The following RGS6 variants were observed in gnomAD, a reference collection of about 807,000 sequenced individuals.
RGS6 encodes the protein regulator of G protein signaling 6, also known as regulator of G-protein signaling 6.
In RGS6, 30 loss-of-function variants were observed where a neutral mutation model predicts 78.5. The observed-to-expected ratio is 0.38, with a 90% CI of 0.29 to 0.52. RGS6 has a LOEUF of 0.52. Among genes scored for constraint, RGS6 ranks in the 20% least tolerant of loss-of-function variants. The pLI is 0.85. For synonymous variants in RGS6, 206 were observed against 206.0 expected (o/e 1.00, Z 0.00); for missense variants, 495 against 609.7 (o/e 0.81, Z 1.98).
At chr14:72,409,098 G>T (rs2093186595) in intron 3 of RGS6, among the ~76,000 whole-genome samples, 1 of 152,244 alleles carries the variant, frequency 6.6e-6, no homozygotes, top group African/African-American at 2.4e-5. Context: ...AGAGATTCCA[G>T]TGAGGGGTCC....
At chr14:72,356,376 A>G (rs975611569) in intron 3 of RGS6, among the ~76,000 whole-genome samples, 1 of 151,978 alleles carries the variant, frequency 6.6e-6, no homozygotes, top group African/African-American at 2.4e-5. Context: ...TTCTGCCAGG[A>G]TTGTAAGTTT....
At chr14:72,116,436 A>C (rs994739279) in intron 2 of RGS6, among the ~76,000 whole-genome samples, 1 of 151,902 alleles carries the variant, frequency 6.6e-6, no homozygotes, top group Non-Finnish European at 1.5e-5. Context: ...TGTTGTATGC[A>C]TCTGTCCTGG....
At chr14:72,013,176 C>T (rs1403094107) in intron 2 of RGS6, among the ~76,000 whole-genome samples, 1 of 144,628 alleles carries the variant, frequency 6.9e-6, no homozygotes, top group East Asian at 2.2e-4. Context: ...GAGGTTGAGG[C>T]AGGAGAATCT....
upstream of RGS6, among the ~76,000 whole-genome samples, chr14:71,929,391 T>A (rs1332119847): frequency 6.6e-6 from 1 of 152,206 alleles, no homozygotes; most frequent in Non-Finnish European, 1.5e-5. Context: ...TTGTCTGATG[T>A]TTTATCCTAA....
chr14:71,983,070 C>T lies in RGS6; in HGVS notation c.84+18195C>T, dbSNP rs548478080. Among the ~76,000 whole-genome samples, 18 of 152,176 alleles carry T rather than the reference C, an allele frequency of 1.2e-4. No homozygotes were observed. The East Asian group carries it at 1.5e-3, about 13-fold the overall frequency. ...GTATATTTAAAAAGTGGAATTAACC[C>T]GTTATTAGTTTTAGATGGAGATGAG... On this transcript the variant is annotated intron_variant, in intron 2 of 17. Transcript: ENST00000553525.
At chr14:72,442,761 G>C (rs2095251031) in intron 3 of RGS6, among the ~76,000 whole-genome samples, 2 of 152,164 alleles carry the variant, frequency 1.3e-5, no homozygotes, top group Admixed American at 1.3e-4. Context: ...CTGGTGGGAG[G>C]GGAGCCTGGA....
At chr14:72,402,789 G>GGTTTTTTTTTTTTTTTTTTTTTTTTT (rs2092562697) in intron 3 of RGS6, among the ~76,000 whole-genome samples, 1 of 125,780 alleles carries the variant, frequency 8.0e-6, no homozygotes, top group Non-Finnish European at 1.7e-5. Context: ...TTGTTTTTTT[G>GGTTTTTTTTTTTTTTTTTTTTTTTTT]GTTTTTTTTT....
chr14:72,397,850 C>T (rs1393737208), intron 3 of RGS6, among the ~76,000 whole-genome samples: 5 of 152,042 alleles, frequency 3.3e-5, no homozygotes, highest in Admixed American at 2.0e-4. Context: ...TGCTGGATTA[C>T]GTTTATTGAT....
At chr14:72,030,685 G>A (rs2090716814) in intron 2 of RGS6, among the ~76,000 whole-genome samples, 1 of 152,178 alleles carries the variant, frequency 6.6e-6, no homozygotes, top group Non-Finnish European at 1.5e-5. Context: ...GAGCGTAAAT[G>A]CTTTGTTCAA....
chr14:72,588,577 C>T, the RGS6 span, among the ~76,000 whole-genome samples: 4 of 152,282 alleles, frequency 2.6e-5, no homozygotes, highest in East Asian at 7.7e-4. Context: ...CTCACCCCTT[C>T]CCCCTTCTGA....
chr14:72,055,497 T>C (rs186906826), intron 2 of RGS6, among the ~76,000 whole-genome samples: 396 of 152,290 alleles, frequency 2.6e-3, no homozygotes, highest in Non-Finnish European at 4.8e-3. Context: ...ATCTCACTAC[T>C]AGTAGTTGAC....
At chr14:72,075,623 T>G (rs1417678061) in intron 2 of RGS6, among the ~76,000 whole-genome samples, 1 of 152,144 alleles carries the variant, frequency 6.6e-6, no homozygotes, top group Non-Finnish European at 1.5e-5. Flanking sequence ...CACCTAGAAG[T>G]AATCACTCTT....
At chr14:72,154,507 T>TG (rs563765011) in intron 2 of RGS6, among the ~76,000 whole-genome samples, 13,071 of 151,830 alleles carry the variant, frequency 0.086, 609 homozygotes, top group Admixed American at 0.14. Flanking sequence ...TCCCTCTGTT[T>TG]GGGGGGGGTC....
intron 1 of RGS6, among the ~76,000 whole-genome samples, chr14:71,958,567 T>C (rs2092963502): frequency 6.6e-6 from 1 of 152,142 alleles, no homozygotes; most frequent in South Asian, 2.1e-4. Context: ...TTAAATGATA[T>C]AGCCAGGATT....
intron 4 of RGS6, among the ~76,000 whole-genome samples, chr14:72,456,870 G>A (rs1387144737): frequency 6.6e-6 from 1 of 151,768 alleles, no homozygotes; most frequent in Admixed American, 6.6e-5. Flanking sequence ...TTGAGCCCAG[G>A]AGTTCAAGAC....
At chr14:71,984,187 A>G (rs776523092) in intron 2 of RGS6, among the ~76,000 whole-genome samples, 4 of 152,068 alleles carry the variant, frequency 2.6e-5, no homozygotes, top group Admixed American at 6.6e-5. Flanking sequence ...AGATAAGGGA[A>G]CTGAGGGTCA....
chr14:72,081,283 T>A (rs1173919801), intron 2 of RGS6, among the ~76,000 whole-genome samples: 2 of 152,064 alleles, frequency 1.3e-5, no homozygotes, highest in Non-Finnish European at 2.9e-5. Flanking sequence ...CTATTGCGAA[T>A]GGGATTGTTT....
At chr14:72,584,134 C>T in the RGS6 span, among the ~76,000 whole-genome samples, 2 of 152,144 alleles carry the variant, frequency 1.3e-5, no homozygotes, top group Non-Finnish European at 2.9e-5. Context: ...ATGTGGGTGT[C>T]AGATTTCATT....
chr14:72,572,218 T>C, the RGS6 span, among the ~76,000 whole-genome samples: 1 of 152,218 alleles, frequency 6.6e-6, no homozygotes. Context: ...CTGCAGCCGC[T>C]TTGGAAAACA....
Sources: allele counts gnomAD v4.1 joint callset (sites outside exome capture counted in the v4.1 genomes callset), GRCh38; gene constraint gnomAD v4.1.1; transcripts MANE v1.5; gene names NCBI Gene and HGNC (gene_info 2026-07-23, HGNC 2026-07-21).